NECTIN4: variants seen among roughly 807,000 people sequenced by gnomAD.
NECTIN4 encodes nectin-4.
In NECTIN4, 19 loss-of-function variants were observed where a neutral mutation model predicts 51.7. That is an observed-to-expected ratio of 0.37 (90% CI 0.26 to 0.54). The LOEUF (loss-of-function observed/expected upper bound fraction) is 0.54, where lower values mean the gene tolerates loss of function less well. Ranked by LOEUF, NECTIN4 falls within the 20% of genes least tolerant of loss-of-function variation. The pLI, the probability that NECTIN4 is intolerant of heterozygous loss-of-function variation, is 0.86. For missense variants in NECTIN4, 619 were observed against 662.4 expected (o/e 0.93, Z 0.72); for synonymous variants, 283 against 286.9 (o/e 0.99, Z 0.14).
chr1:161,083,546 A>G (rs1475779270), intron 1 of NECTIN4, among the ~76,000 whole-genome samples: 6 of 152,192 alleles, frequency 3.9e-5, no homozygotes, highest in African/African-American at 1.4e-4. Flanking sequence ...TTGTTTACTG[A>G]GGCTGGTGGA....
At chr1:161,085,577 G>T (rs1228915705) in intron 1 of NECTIN4, among the ~76,000 whole-genome samples, 1 of 152,072 alleles carries the variant, frequency 6.6e-6, no homozygotes, top group African/African-American at 2.4e-5. Context: ...AAAACTATGA[G>T]AAAATCTCCT....
Position 161,079,603 on chromosome 1 carries a change from C to T in NECTIN4, c.426G>A (p.Arg142=), listed in dbSNP as rs1356524792. Residue 142 remains arginine (R), a synonymous_variant, in exon 2 of 9, where the codon CGG becomes CGA. Transcript: ENST00000368012. ...ATCCCCGCTTACCCAGCACTCGGAG[C>T]CGCAGCCGCGCCTGGAAGCTGCCGG... is the stretch of plus-strand genomic sequence containing the variant. The part of the protein sequence containing the change: ...FPAGSFQARL[R]LRVLVPPLPS... The T allele has an allele frequency of 4.4e-6, 7 of 1,604,032 alleles. No individual in the cohort carries two copies. The highest frequency in any genetic ancestry group is 5.9e-6 in the Non-Finnish European group (7 of 1,179,428).
chr1:161,073,199 G>A (rs752500197), intron 8 of NECTIN4, 26 bp downstream of exon 8: 4 of 1,603,306 alleles, frequency 2.5e-6, no homozygotes, highest in Non-Finnish European at 3.4e-6. Context: ...GAGTGGTGGG[G>A]ACACCGGTGG....
chr1:161,074,872 A>G, intron 4 of NECTIN4, 113 bp from the exon 5 acceptor site: 1 of 1,199,504 alleles, frequency 8.3e-7, no homozygotes, highest in South Asian at 1.4e-5. Flanking sequence ...CCAGAGCCGC[A>G]GGCTGTTCCC....
intron 4 of NECTIN4, 48 bp downstream of exon 4, chr1:161,076,307 G>A: frequency 6.2e-7 from 1 of 1,611,280 alleles, no homozygotes; most frequent in South Asian, 1.1e-5. Context: ...CCCTGAGAGG[G>A]GAGGAACCTA....
chr1:161,083,439 A>T (rs759781004), intron 1 of NECTIN4, among the ~76,000 whole-genome samples: 1 of 152,194 alleles, frequency 6.6e-6, no homozygotes, highest in Non-Finnish European at 1.5e-5. Flanking sequence ...TGATGATGTC[A>T]TCAGACCAAA....
At chr1:161,073,416 T>A in intron 7 of NECTIN4, 117 bp from the exon 8 acceptor site, 1 of 832,804 alleles carries the variant, frequency 1.2e-6, no homozygotes, top group Non-Finnish European at 2.0e-6. Context: ...ACCCAACAGG[T>A]CCATTCTCTC....
At chr1:161,080,005 G>A in intron 1 of NECTIN4, 56 bp from the exon 2 acceptor site, 1 of 1,540,466 alleles carries the variant, frequency 6.5e-7, no homozygotes, top group Non-Finnish European at 8.8e-7. Context: ...AGCTGGGGGA[G>A]CACAGTCATA....
In NECTIN4 at chr1:161,079,829, C is replaced by A; in HGVS notation, c.200G>T (p.Trp67Leu). The A allele has an allele frequency of 1.3e-5, 21 of 1,613,874 alleles. No individual in the cohort carries two copies. The highest frequency in any genetic ancestry group is 1.8e-5 in the Non-Finnish European group (21 of 1,180,004). Reference sequence around the variant, plus strand: ...GCCTTCGCCCGCGTCCACCCGAGCCCATGCCACTTGCCCCACTTGCTCGCC... The same window carrying A: ...GCCTTCGCCCGCGTCCACCCGAGCCAATGCCACTTGCCCCACTTGCTCGCC... ...DSGEQVGQVA[W>L]ARVDAGEGAQ... The change falls in exon 2 of 9, where the codon TGG (tryptophan) becomes TTG (leucine). Residue 67 changes from tryptophan (W) to leucine (L), a missense_variant. This residue lies in a region of NECTIN4 where 218 missense variants were observed against 186.3 expected (regional missense o/e 1.17). Coordinates refer to ENST00000368012, the MANE Select transcript of NECTIN4 (RefSeq NM_030916.3).
Position 161,087,140 on chromosome 1 carries a change from C to T in NECTIN4, c.79+2078G>A, listed in dbSNP as rs1184416571. 8 of 152,220 alleles carry T rather than the reference C, an allele frequency of 5.3e-5. 1 individual carries two copies. Among genetic ancestry groups the T allele is most frequent in the Non-Finnish European group, 1.2e-4 (8 of 68,064 alleles). The allele number at this position is 152,220 out of a possible 1,614,324, so 9.4% of individuals were successfully genotyped here. Reference sequence around the variant, plus strand: ...CAAGGATTTTTTCAGAGACATGAAACATTCCAGGTTCCTGGGAGCCATTAA... The same window carrying T: ...CAAGGATTTTTTCAGAGACATGAAATATTCCAGGTTCCTGGGAGCCATTAA... On this transcript the variant is annotated intron_variant, in intron 1 of 8. Coordinates refer to ENST00000368012, the MANE Select transcript of NECTIN4 (RefSeq NM_030916.3).
chr1:161,079,509 C>T, intron 2 of NECTIN4, 81 bp downstream of exon 2: 1 of 1,554,984 alleles, frequency 6.4e-7, no homozygotes, highest in Admixed American at 1.8e-5. Flanking sequence ...CTACCTCTGC[C>T]CCATCCATCT....
chr1:161,089,486 C>T lies in NECTIN4; in HGVS notation c.-190G>A, dbSNP rs2101685730. On this transcript the variant is annotated 5_prime_UTR_variant, in exon 1 of 9. Transcript: ENST00000368012. The surrounding 1 kb of genome is among the most constrained non-coding windows in gnomAD (Gnocchi z 4.1). ...GTTCTACACACCCAGCCGTAGCTAC[C>T]CCCAAGAAGCCGTGATCGGGAGCTC... 9.7e-6 allele frequency: 6 copies of T among 620,448 alleles called. No individual in the cohort carries two copies. The highest frequency in any genetic ancestry group is 1.4e-5 in the Non-Finnish European group (5 of 345,478). The allele number at this position is 620,448 out of a possible 1,614,324, so 38.4% of individuals were successfully genotyped here.
At chr1:161,083,699 G>T (rs2101674305) in intron 1 of NECTIN4, among the ~76,000 whole-genome samples, 1 of 152,314 alleles carries the variant, frequency 6.6e-6, no homozygotes, top group African/African-American at 2.4e-5. Context: ...TTGCGCAAGG[G>T]AGAGAACAGG....
At chr1:161,072,922 G>T in intron 8 of NECTIN4, 37 bp from the exon 9 acceptor site, 1 of 1,576,080 alleles carries the variant, frequency 6.3e-7, no homozygotes, top group Non-Finnish European at 8.6e-7. Flanking sequence ...CAGGAACAAA[G>T]GCAGGGCAGC....
At chr1:161,084,011 C>A (rs1035027960) in intron 1 of NECTIN4, among the ~76,000 whole-genome samples, 4 of 152,202 alleles carry the variant, frequency 2.6e-5, no homozygotes, top group South Asian at 2.1e-4. Context: ...CATCAGTATC[C>A]CCTGCTGGGA....
rs1344372400 is a variant in NECTIN4, at chr1:161,073,785, G to A, written c.1168C>T (p.Leu390=). ...ATGGAGTTCTCCCTGGTCAGGGTCA[G>A]CTCCTCCTCACTGGGAAAGACACAC... ...QQMTQKYEEE[L]TLTRENSIRR... Residue 390 remains leucine, a synonymous_variant, in exon 7 of 9, where the codon CTG becomes TTG. Coordinates refer to ENST00000368012, the MANE Select transcript of NECTIN4 (RefSeq NM_030916.3). 6.2e-7 allele frequency: 1 copy of A among 1,613,854 alleles called. No individual in the cohort carries two copies. Among genetic ancestry groups the A allele is most frequent in the Non-Finnish European group, 8.5e-7 (1 of 1,179,880 alleles).
At chr1:161,076,224 A>C in intron 4 of NECTIN4, 131 bp downstream of exon 4, 2 of 963,490 alleles carry the variant, frequency 2.1e-6, no homozygotes, top group Non-Finnish European at 3.1e-6. Context: ...ATAATACAAG[A>C]GATCTGAACA....
chr1:161,080,484 A>G (rs1412243893), intron 1 of NECTIN4, among the ~76,000 whole-genome samples: 1 of 152,236 alleles, frequency 6.6e-6, no homozygotes, highest in Non-Finnish European at 1.5e-5. Flanking sequence ...CACATAGGGT[A>G]GGAAGGGTCT....
At position 161,071,042 on chromosome 1, in the gene NECTIN4, C is replaced by T. The variant is rs1202863222; in HGVS notation, c.*1619G>A. ...TAAAAACAGAATATCATTTTATGTACAAATATGCACATATTTACATAAAAT... is the reference window on the plus strand; with the variant it reads ...TAAAAACAGAATATCATTTTATGTATAAATATGCACATATTTACATAAAAT... On this transcript the variant is annotated 3_prime_UTR_variant, in exon 9 of 9. Coordinates refer to ENST00000368012, the MANE Select transcript of NECTIN4 (RefSeq NM_030916.3). 1.3e-5 allele frequency: 2 copies of T among 152,144 alleles called. No homozygotes were observed. The highest frequency in any genetic ancestry group is 2.9e-5 in the Non-Finnish European group (2 of 68,026). 9.4% of individuals were successfully genotyped at this position (152,144 alleles called of 1,614,324 possible). A position where few individuals can be genotyped will look rare whatever the true frequency, so the allele number is the denominator to read the frequency against.
Sources: allele counts gnomAD v4.1 joint callset (sites outside exome capture counted in the v4.1 genomes callset), GRCh38; gene constraint gnomAD v4.1.1; regional missense constraint gnomAD v4.1.1; non-coding constraint Gnocchi (gnomAD v3.1); transcripts MANE v1.5; gene names NCBI Gene and HGNC (gene_info 2026-07-23, HGNC 2026-07-21).